The following FAM135B variants were observed in gnomAD, a reference collection of about 807,000 sequenced individuals.
FAM135B encodes the protein protein FAM135B.
In FAM135B, 43 loss-of-function variants were observed where a neutral mutation model predicts 127.7. The observed-to-expected ratio is 0.34, with a 90% CI of 0.26 to 0.43. The LOEUF is 0.43. Among genes scored for constraint, FAM135B ranks in the 20% least tolerant of loss-of-function variants. FAM135B has a pLI of 1.00. For missense variants in FAM135B, 1,558 were observed against 1,725.6 expected, an observed-to-expected ratio of 0.90 and a Z score of 1.72; for synonymous variants, 670 against 665.1, an observed-to-expected ratio of 1.01 and a Z score of -0.11.
At chr8:138,343,629 G>T (rs1829205255) in intron 2 of FAM135B, among the ~76,000 whole-genome samples, 1 of 152,188 alleles carries the variant, frequency 6.6e-6, no homozygotes, top group South Asian at 2.1e-4. Context: ...CCCTGCCCTG[G>T]CCAGGTACCT....
chr8:138,261,545 C>T (rs1822539257), intron 4 of FAM135B, among the ~76,000 whole-genome samples: 2 of 152,220 alleles, frequency 1.3e-5, no homozygotes, highest in Non-Finnish European at 2.9e-5. Context: ...CTCCACTCTG[C>T]CCCATTCCAT....
At chr8:138,235,805 CT>C (rs977307708) in intron 7 of FAM135B, among the ~76,000 whole-genome samples, 1 of 152,182 alleles carries the variant, frequency 6.6e-6, no homozygotes, top group African/African-American at 2.4e-5. Context: ...AGATACTGTT[CT>C]ACGATTCTCT....
At chr8:138,206,834 T>TCCATCTACCCACAGCTCTATCATCCC (rs1817717964) in intron 7 of FAM135B, among the ~76,000 whole-genome samples, 4 of 55,948 alleles carry the variant, frequency 7.1e-5, no homozygotes, top group South Asian at 5.9e-4. Flanking sequence ...TCCAGCATCC[T>TCCATCTACCCACAGCTCTATCATCCC]CTCCACCTAC....
chr8:138,148,777 C>T (rs1234653028), intron 13 of FAM135B, 91 bp from the exon 14 acceptor site: 16 of 949,570 alleles, frequency 1.7e-5, no homozygotes, highest in Non-Finnish European at 1.9e-5. Context: ...GGGCTGAGCA[C>T]CCACAAGCAA....
rs1265890374 is a variant in FAM135B at position 138,242,601 on chromosome 8, T to C, written c.669+341A>G. Reference sequence around the variant, plus strand: ...ACAAATGAAAGCGGGAGCCAGGTTTTGAAACCAGACATGGCCTTCAACGTT... The same window carrying C: ...ACAAATGAAAGCGGGAGCCAGGTTTCGAAACCAGACATGGCCTTCAACGTT... On this transcript the variant is annotated intron_variant, in intron 7 of 19. Coordinates refer to ENST00000395297, the MANE Select transcript of FAM135B (RefSeq NM_015912.4). This position sits in a 1 kb window ranked among gnomAD's most constrained non-coding sequence, Gnocchi z 9.6. Among the ~76,000 whole-genome samples the C allele has an allele frequency of 1.3e-5, 2 of 152,152 alleles. No individual in the cohort carries two copies. Among genetic ancestry groups the C allele is most frequent in the African/African-American group, 4.8e-5 (2 of 41,442 alleles).
intron 7 of FAM135B, among the ~76,000 whole-genome samples, chr8:138,222,534 G>A (rs905980852): frequency 9.2e-5 from 14 of 152,182 alleles, no homozygotes; most frequent in Admixed American, 3.3e-4. Flanking sequence ...TATTAAAGAA[G>A]GGGACAAATA....
At chr8:138,205,643 C>G (rs549129488) in intron 7 of FAM135B, among the ~76,000 whole-genome samples, 2 of 152,234 alleles carry the variant, frequency 1.3e-5, no homozygotes, top group East Asian at 3.9e-4. Flanking sequence ...AATTATGTGT[C>G]CCAGTACTCT....
chr8:138,273,831 C>T lies in FAM135B; in HGVS notation c.158-7989G>A, dbSNP rs535629041. Among the ~76,000 whole-genome samples, 10 of 152,224 alleles carry T rather than the reference C, an allele frequency of 6.6e-5. No homozygotes were observed. In the East Asian group the frequency reaches 1.9e-3, roughly 30 times the overall value. ...TCCCACCTCTCTGTGTTGTAGAACC[C>T]TAGGTCATGGTCCCAATTATTTTCT... On this transcript the variant is annotated intron_variant, in intron 3 of 19. Transcript: ENST00000395297.
At chr8:138,140,166 G>A (rs1033235248) in intron 17 of FAM135B, among the ~76,000 whole-genome samples, 8 of 152,182 alleles carry the variant, frequency 5.3e-5, no homozygotes, top group African/African-American at 1.9e-4. Context: ...ACTTCCATTT[G>A]TTATGTGCCA....
intron 1 of FAM135B, among the ~76,000 whole-genome samples, chr8:138,401,154 G>C (rs1176214097): frequency 1.3e-5 from 2 of 152,136 alleles, no homozygotes; most frequent in Non-Finnish European, 2.9e-5. Flanking sequence ...GGACATGTTA[G>C]GTCAAATGTC....
chr8:138,465,123 G>A (rs550801336), intron 1 of FAM135B, among the ~76,000 whole-genome samples: 8 of 152,264 alleles, frequency 5.3e-5, no homozygotes, highest in South Asian at 2.1e-4. Context: ...AAACCAAGCC[G>A]GGCTCTTGTG....
intron 7 of FAM135B, among the ~76,000 whole-genome samples, chr8:138,224,143 G>A (rs1042947901): frequency 3.9e-5 from 6 of 152,050 alleles, no homozygotes; most frequent in Non-Finnish European, 8.8e-5. Context: ...AATATACCCA[G>A]GTAACAAAGC....
chr8:138,308,418 G>A (rs915406216), intron 3 of FAM135B, among the ~76,000 whole-genome samples: 11 of 152,254 alleles, frequency 7.2e-5, no homozygotes, highest in Non-Finnish European at 1.0e-4. Flanking sequence ...ATAATGCAGC[G>A]GTCTCTAACC....
At position 138,435,938 on chromosome 8, in the gene FAM135B, C is replaced by T. The variant is rs570583875; in HGVS notation, c.-20+60733G>A. On this transcript the variant is annotated intron_variant, in intron 1 of 19. Transcript: ENST00000395297. ...GGATTTAGCAGATATTTCAAAACCA[C>T]CTTGTTCTCCTTGTCTTTTTGATCA... 3.3e-5 allele frequency among the ~76,000 whole-genome samples: 5 copies of T among 152,274 alleles called. No individual in the cohort carries two copies. In the South Asian group the frequency reaches 1.0e-3, roughly 32 times the overall value.
chr8:138,187,074 C>T (rs1815650218), intron 9 of FAM135B, among the ~76,000 whole-genome samples: 1 of 152,162 alleles, frequency 6.6e-6, no homozygotes, highest in Admixed American at 6.5e-5. Context: ...ATTCCCTAGG[C>T]CAGGTATGTT....
At chr8:138,282,659 T>C (rs913012812) in intron 3 of FAM135B, among the ~76,000 whole-genome samples, 8 of 152,182 alleles carry the variant, frequency 5.3e-5, no homozygotes, top group Non-Finnish European at 1.0e-4. Context: ...GTGGCTAAAA[T>C]TCGAAACTCT....
intron 1 of FAM135B, among the ~76,000 whole-genome samples, chr8:138,495,604 G>A (rs151134867): frequency 9.2e-5 from 14 of 152,296 alleles, no homozygotes; most frequent in African/African-American, 1.2e-4. Flanking sequence ...ATATTATTCA[G>A]AGGCCTACTT....
intron 1 of FAM135B, among the ~76,000 whole-genome samples, chr8:138,370,422 T>C (rs963543942): frequency 1.3e-5 from 2 of 151,986 alleles, no homozygotes; most frequent in African/African-American, 4.8e-5. Flanking sequence ...GAAGATGAGT[T>C]CCCATGTAAA....
chr8:138,219,597 C>T (rs1267133659), intron 7 of FAM135B, among the ~76,000 whole-genome samples: 1 of 152,148 alleles, frequency 6.6e-6, no homozygotes, highest in Non-Finnish European at 1.5e-5. Context: ...CCAAATGGAC[C>T]AGGCCTTCCT....
Sources: gnomAD v4.1 joint callset for allele counts (sites outside exome capture counted in the v4.1 genomes callset) on GRCh38, gnomAD v4.1.1 for gene constraint, Gnocchi (gnomAD v3.1) non-coding constraint, MANE v1.5 for transcripts, NCBI Gene and HGNC (gene_info 2026-07-23, HGNC 2026-07-21) for gene names.